CSMD1: variants seen among roughly 807,000 people sequenced by gnomAD.
CSMD1 encodes CUB and sushi domain-containing protein 1.
In CSMD1, 213 loss-of-function variants were observed where a neutral mutation model predicts 417.5. The ratio of observed to expected loss-of-function variants is 0.51; its 90% CI spans 0.46 to 0.57. The LOEUF (loss-of-function observed/expected upper bound fraction) is 0.57, where lower values mean the gene tolerates loss of function less well. Ranked by LOEUF, CSMD1 falls within the 20% of genes least tolerant of loss-of-function variation. The pLI is 0.00. For synonymous variants in CSMD1, 2,862 were observed against 1,736.8 expected (o/e 1.65, Z -16.11); for missense variants, 6,923 against 4,529.7 (o/e 1.53, Z -15.17).
intron 2 of CSMD1, among the ~76,000 whole-genome samples, chr8:4,535,194 C>T (rs1271630691): frequency 6.6e-6 from 1 of 152,092 alleles, no homozygotes; most frequent in African/African-American, 2.4e-5. Flanking sequence ...ATATAAAGAA[C>T]TGCTTGAAAT....
intron 10 of CSMD1, among the ~76,000 whole-genome samples, chr8:3,505,485 G>T (rs1051738005): frequency 1.1e-4 from 17 of 152,110 alleles, no homozygotes. Context: ...TGAGAAGGAA[G>T]ATAAAAGTGC....
chr8:4,061,440 T>C (rs542126861), intron 3 of CSMD1, among the ~76,000 whole-genome samples: 1 of 152,368 alleles, frequency 6.6e-6, no homozygotes, highest in Non-Finnish European at 1.5e-5. Context: ...GAAACTTTTA[T>C]AGCTCCCTGA....
At chr8:4,315,686 A>C (rs193061550) in intron 3 of CSMD1, among the ~76,000 whole-genome samples, 1 of 152,334 alleles carries the variant, frequency 6.6e-6, no homozygotes, top group Admixed American at 6.5e-5. Context: ...ATGATTATAA[A>C]ATAGCCATTG....
In CSMD1 at chr8:3,895,844, C is replaced by A. The variant is rs1426467447; in HGVS notation, c.818+102059G>T. On this transcript the variant is annotated intron_variant, in intron 5 of 69. Transcript: ENST00000635120. ...GCCACAGCTCTGACCTGGCTTGTTC[C>A]CTTCCAGACAAGTCGGATGGGAATA... 1.3e-5 allele frequency among the ~76,000 whole-genome samples: 2 copies of A among 152,200 alleles called. 1 individual carries two copies. The highest frequency in any genetic ancestry group is 4.1e-4 in the South Asian group (2 of 4,834).
chr8:4,357,498 T>C (rs910898802), intron 3 of CSMD1, among the ~76,000 whole-genome samples: 1 of 152,166 alleles, frequency 6.6e-6, no homozygotes, highest in Non-Finnish European at 1.5e-5. Context: ...CATTACTTTA[T>C]CCACAGTTCC....
intron 10 of CSMD1, among the ~76,000 whole-genome samples, chr8:3,497,177 G>C (rs905852532): frequency 6.6e-6 from 1 of 152,084 alleles, no homozygotes; most frequent in East Asian, 1.9e-4. Context: ...CTACACTATA[G>C]TTTAAGTTTA....
chr8:4,768,132 G>C (rs1367506170), intron 1 of CSMD1, among the ~76,000 whole-genome samples: 1 of 152,070 alleles, frequency 6.6e-6, no homozygotes, highest in Admixed American at 6.6e-5. Flanking sequence ...ATTATAAACA[G>C]ATGTTTTGGA....
chr8:3,834,497 C>T (rs920000221), intron 5 of CSMD1, among the ~76,000 whole-genome samples: 9 of 152,188 alleles, frequency 5.9e-5, no homozygotes, highest in African/African-American at 2.2e-4. Flanking sequence ...TACCTCGGTA[C>T]TTAAGGGGAG....
intron 4 of CSMD1, among the ~76,000 whole-genome samples, chr8:4,001,161 T>C (rs1344693218): frequency 6.6e-6 from 1 of 152,232 alleles, no homozygotes; most frequent in African/African-American, 2.4e-5. Context: ...CGTATTTATG[T>C]GCATGGTATA....
At chr8:4,374,974 C>G (rs1014223262) in intron 3 of CSMD1, among the ~76,000 whole-genome samples, 238 of 17,310 alleles carry the variant, frequency 0.014, no homozygotes, top group Non-Finnish European at 0.019. Flanking sequence ...GGGGGGGGGG[C>G]GATAGTGGGG....
At chr8:4,551,290 T>C (rs572241955) in intron 2 of CSMD1, among the ~76,000 whole-genome samples, 37 of 152,234 alleles carry the variant, frequency 2.4e-4, no homozygotes, top group African/African-American at 8.7e-4. Context: ...CTCAAGGCTG[T>C]ATGTGAAACC....
chr8:3,942,193 C>T (rs1810930026), intron 5 of CSMD1, among the ~76,000 whole-genome samples: 1 of 151,908 alleles, frequency 6.6e-6, no homozygotes, highest in Admixed American at 6.6e-5. Flanking sequence ...CCCACTGATT[C>T]TACATTATGG....
chr8:4,230,177 C>G (rs543878955), intron 3 of CSMD1, among the ~76,000 whole-genome samples: 45 of 152,272 alleles, frequency 3.0e-4, no homozygotes, highest in African/African-American at 1.0e-3. Flanking sequence ...AATTGATATT[C>G]TGAGCCAAAT....
intron 1 of CSMD1, among the ~76,000 whole-genome samples, chr8:4,904,317 A>G (rs1158772595): frequency 6.6e-6 from 1 of 152,272 alleles, no homozygotes; most frequent in Non-Finnish European, 1.5e-5. Context: ...TAAAAAATCA[A>G]TAATTTATTA....
Position 2,937,806 on chromosome 8 carries a change from C to G in CSMD1, c.*779G>C, listed in dbSNP as rs1801595022. On this transcript the variant is annotated 3_prime_UTR_variant, in exon 70 of 70. Transcript: ENST00000635120. ...ACTTTTCCCTAACACTCCAACTAAG[C>G]TGATGGGGGAATGTTTAGCTTGATA... 1 of 152,616 alleles carries G rather than the reference C, an allele frequency of 6.6e-6. No homozygotes were observed. Among genetic ancestry groups the G allele is most frequent in the South Asian group, 2.1e-4 (1 of 4,830 alleles). 9.5% of individuals were successfully genotyped at this position (152,616 alleles called of 1,614,324 possible). A position where few individuals can be genotyped will look rare whatever the true frequency, so the allele number is the denominator to read the frequency against.
intron 21 of CSMD1, among the ~76,000 whole-genome samples, chr8:3,351,629 G>T (rs1808431631): frequency 1.3e-5 from 2 of 148,732 alleles, no homozygotes; most frequent in South Asian, 4.2e-4. Context: ...GAAAAGAAAG[G>T]AAAGTATACA....
At chr8:3,522,922 T>A in intron 10 of CSMD1, among the ~76,000 whole-genome samples, 2 of 150,178 alleles carry the variant, frequency 1.3e-5, no homozygotes, top group East Asian at 3.9e-4. Flanking sequence ...GTATAAAATA[T>A]CAATATATTT....
At chr8:3,292,086 T>G (rs765177688) in intron 25 of CSMD1, among the ~76,000 whole-genome samples, 4 of 152,160 alleles carry the variant, frequency 2.6e-5, no homozygotes, top group Non-Finnish European at 5.9e-5. Flanking sequence ...CATTATTTAC[T>G]CAGTAGTCAT....
At chr8:3,043,245 T>C (rs1034804376) in intron 50 of CSMD1, among the ~76,000 whole-genome samples, 1 of 151,328 alleles carries the variant, frequency 6.6e-6, no homozygotes, top group African/African-American at 2.4e-5. Flanking sequence ...TACTGTAGGA[T>C]TATATGTACA....
Sources: allele counts gnomAD v4.1 joint callset (sites outside exome capture counted in the v4.1 genomes callset), GRCh38; gene constraint gnomAD v4.1.1; transcripts MANE v1.5; gene names NCBI Gene and HGNC (gene_info 2026-07-23, HGNC 2026-07-21).